The following PCDH7 variants were observed in gnomAD, a reference collection of about 807,000 sequenced individuals.
PCDH7 encodes the protein protocadherin-7.
Under a neutral mutation model 58.9 loss-of-function variants are expected in PCDH7, and 17 were observed. The ratio of observed to expected loss-of-function variants is 0.29; its 90% CI spans 0.20 to 0.43. The LOEUF is 0.43. Among genes scored for constraint, PCDH7 ranks in the 20% least tolerant of loss-of-function variants. The pLI is 1.00. For synonymous variants in PCDH7, 664 were observed against 616.4 expected (o/e 1.08, Z -1.14); for missense variants, 1,274 against 1,441.0 (o/e 0.88, Z 1.88).
rs150444274 is a variant in PCDH7 at position 30,795,151 on chromosome 4, T to A, written c.70+70555T>A. ...ATCTTTCCTGTGTTTGTTTATTTATTTGTATACATTTTGAGATGGAGGTCT... is the reference window on the plus strand; with the variant it reads ...ATCTTTCCTGTGTTTGTTTATTTATATGTATACATTTTGAGATGGAGGTCT... On this transcript the variant is annotated intron_variant, in intron 1 of 3. Transcript: ENST00000509759. Among the ~76,000 whole-genome samples the A allele has an allele frequency of 4.7e-3, 712 of 152,282 alleles. 3 individuals are homozygous for A. Among genetic ancestry groups the A allele is most frequent in the African/African-American group, 0.016 (671 of 41,564 alleles).
intron 3 of PCDH7, among the ~76,000 whole-genome samples, chr4:31,016,364 G>A (rs1753598025): frequency 6.7e-6 from 1 of 150,256 alleles, no homozygotes; most frequent in African/African-American, 2.4e-5. Context: ...TACTACATGA[G>A]CTTGCTAAGC....
chr4:30,994,298 C>T (rs961655959), intron 3 of PCDH7, among the ~76,000 whole-genome samples: 4 of 152,202 alleles, frequency 2.6e-5, no homozygotes, highest in African/African-American at 4.8e-5. Context: ...CCCTGAAATA[C>T]CTGTATTCTC....
intron 3 of PCDH7, among the ~76,000 whole-genome samples, chr4:30,961,390 A>C (rs1748417371): frequency 1.7e-5 from 1 of 59,034 alleles, no homozygotes; most frequent in Admixed American, 1.4e-4. Context: ...TAAAAATACA[A>C]AAAAAAAAAA....
At position 31,046,292 on chromosome 4, in the gene PCDH7, T is replaced by C. The variant is rs144595756; in HGVS notation, c.*7+96077T>C. On this transcript the variant is annotated intron_variant, in intron 3 of 3. Coordinates refer to the PCDH7 transcript ENST00000509759. ...TCTTACTTTTCACCATATTTATACA[T>C]ATGCCATGCTTGGCTCTGGAGTCAG... 6.6e-4 allele frequency among the ~76,000 whole-genome samples: 100 copies of C among 152,116 alleles called. 1 individual carries two copies. Among genetic ancestry groups the C allele is most frequent in the African/African-American group, 2.3e-3 (95 of 41,550 alleles).
At chr4:30,864,341 G>A (rs1303249410) in intron 1 of PCDH7, among the ~76,000 whole-genome samples, 1 of 151,526 alleles carries the variant, frequency 6.6e-6, no homozygotes, top group Non-Finnish European at 1.5e-5. Flanking sequence ...TGAAAAAATA[G>A]GGAATTTATA....
intron 1 of PCDH7, among the ~76,000 whole-genome samples, chr4:30,745,624 G>T (rs16884029): frequency 6.6e-6 from 1 of 151,900 alleles, no homozygotes; most frequent in South Asian, 2.1e-4. Context: ...AATCCTGGTC[G>T]ACTTTTCTCC....
At chr4:30,853,413 C>T (rs1277123564) in intron 1 of PCDH7, among the ~76,000 whole-genome samples, 3 of 152,140 alleles carry the variant, frequency 2.0e-5, no homozygotes, top group African/African-American at 2.4e-5. Flanking sequence ...CCACAAGACT[C>T]TTCCTACGAT....
intron 1 of PCDH7, among the ~76,000 whole-genome samples, chr4:30,819,361 T>G (rs1214574592): frequency 6.6e-6 from 1 of 152,178 alleles, no homozygotes; most frequent in Non-Finnish European, 1.5e-5. Flanking sequence ...AGATAGACTC[T>G]GATTTAAATA....
At chr4:30,872,013 T>A (rs1256558203) in intron 1 of PCDH7, among the ~76,000 whole-genome samples, 1 of 152,110 alleles carries the variant, frequency 6.6e-6, no homozygotes, top group East Asian at 1.9e-4. Flanking sequence ...TCAGTAAATC[T>A]CCTCTGGCCT....
chr4:30,774,617 A>T (rs1029658329), intron 1 of PCDH7, among the ~76,000 whole-genome samples: 2 of 152,190 alleles, frequency 1.3e-5, no homozygotes, highest in Admixed American at 1.3e-4. Context: ...TATGTGCCAG[A>T]TATATTTAAA....
chr4:31,098,715 G>A (rs369772107), intron 3 of PCDH7, among the ~76,000 whole-genome samples: 1 of 152,102 alleles, frequency 6.6e-6, no homozygotes, highest in African/African-American at 2.4e-5. Flanking sequence ...CTCTGACATG[G>A]AATAGATTAA....
At chr4:30,790,552 G>A (rs544364459) in intron 1 of PCDH7, among the ~76,000 whole-genome samples, 1 of 152,282 alleles carries the variant, frequency 6.6e-6, no homozygotes, top group South Asian at 2.1e-4. Context: ...CTTAAGATGG[G>A]AAAGGTACTC....
chr4:31,079,309 G>GAT lies in PCDH7; in HGVS notation c.*8-63110_*8-63109dup, dbSNP rs149501069. ...GTAAAAGATATTTACAATACTGGAA[G>GAT]ATATATATATATATATATATATATA... On this transcript the variant is annotated intron_variant, in intron 3 of 3. Coordinates refer to the PCDH7 transcript ENST00000509759. Among the ~76,000 whole-genome samples, 214 of 67,178 alleles carry GAT rather than the reference G, an allele frequency of 3.2e-3. 2 individuals are homozygous for GAT. Among genetic ancestry groups the GAT allele is most frequent in the Non-Finnish European group, 4.4e-3 (139 of 31,276 alleles). The allele number at this position is 67,178 out of a possible 152,430, so 44.1% of individuals were successfully genotyped here.
intron 3 of PCDH7, among the ~76,000 whole-genome samples, chr4:31,103,709 G>T (rs1715192201): frequency 1.3e-5 from 2 of 152,112 alleles, no homozygotes; most frequent in Admixed American, 1.3e-4. Flanking sequence ...TGGATTACTA[G>T]AGTATCCTTT....
chr4:30,853,000 C>T (rs1411839279), intron 1 of PCDH7, among the ~76,000 whole-genome samples: 4 of 151,988 alleles, frequency 2.6e-5, no homozygotes, highest in Admixed American at 2.6e-4. Flanking sequence ...TTCTGGAGTG[C>T]TACCTTGAGA....
chr4:30,825,740 T>C (rs947871075), intron 1 of PCDH7, among the ~76,000 whole-genome samples: 2 of 151,782 alleles, frequency 1.3e-5, no homozygotes, highest in Non-Finnish European at 2.9e-5. Flanking sequence ...TCTTGGATCA[T>C]TTCTAACATA....
At chr4:30,978,225 T>C (rs563065332) in intron 3 of PCDH7, among the ~76,000 whole-genome samples, 1 of 152,294 alleles carries the variant, frequency 6.6e-6, no homozygotes, top group South Asian at 2.1e-4. Context: ...GGATAAATGA[T>C]TTTTCAGTCC....
intron 3 of PCDH7, among the ~76,000 whole-genome samples, chr4:30,979,202 C>T (rs184598261): frequency 1.3e-4 from 20 of 151,186 alleles, no homozygotes; most frequent in African/African-American, 2.4e-4. Flanking sequence ...GGTGGGTGCC[C>T]GTAGTCCCAG....
chr4:30,893,866 A>T (rs1738929409), intron 1 of PCDH7, among the ~76,000 whole-genome samples: 1 of 152,218 alleles, frequency 6.6e-6, no homozygotes, highest in East Asian at 1.9e-4. Flanking sequence ...ATCTTGGCTA[A>T]ATTTGCTAGA....
Sources: allele counts gnomAD v4.1 joint callset (sites outside exome capture counted in the v4.1 genomes callset), GRCh38; gene constraint gnomAD v4.1.1; transcripts MANE v1.5; gene names NCBI Gene and HGNC (gene_info 2026-07-23, HGNC 2026-07-21).